SLC25A16: variants seen among roughly 807,000 people sequenced by gnomAD.
The protein encoded by SLC25A16 is mitochondrial coenzyme A transporter SLC25A16.
Under a neutral mutation model 41.5 loss-of-function variants are expected in SLC25A16, and 39 were observed. That is an observed-to-expected ratio of 0.94 (90% CI 0.73 to 1.23). The LOEUF is 1.23. SLC25A16 is among the 50% of genes most tolerant of loss of function. The probability of loss-of-function intolerance (pLI) is 0.00; values close to 1 mark genes in which losing one functional copy is unlikely to be tolerated. For missense variants in SLC25A16, 421 were observed against 426.9 expected (o/e 0.99, Z 0.12); for synonymous variants, 146 against 147.8 (o/e 0.99, Z 0.09).
intron 3 of SLC25A16, among the ~76,000 whole-genome samples, chr10:68,504,605 C>T (rs2052919588): frequency 6.7e-6 from 1 of 149,786 alleles, no homozygotes; most frequent in Non-Finnish European, 1.5e-5. Context: ...TCTCGATCTC[C>T]TGAACTTGTG....
intron 1 of SLC25A16, among the ~76,000 whole-genome samples, chr10:68,525,327 G>C (rs912368334): frequency 6.6e-6 from 1 of 151,936 alleles, no homozygotes; most frequent in Non-Finnish European, 1.5e-5. Context: ...GTAGAGACAG[G>C]GTTTCACCAT....
chr10:68,487,323 G>T, intron 7 of SLC25A16, 111 bp from the exon 8 acceptor site: 2 of 770,674 alleles, frequency 2.6e-6, no homozygotes, highest in Admixed American at 2.1e-5. Context: ...TGCTCTTATT[G>T]TTCTGTCTAA....
chr10:68,516,710 A>C, intron 2 of SLC25A16, 41 bp downstream of exon 2: 1 of 1,380,966 alleles, frequency 7.2e-7, no homozygotes, highest in Non-Finnish European at 1.0e-6. Flanking sequence ...ACTTTCCACA[A>C]TATTTTCATT....
chr10:68,524,039 G>GGCCAGGC (rs1434101133), intron 1 of SLC25A16, among the ~76,000 whole-genome samples: 2 of 102,048 alleles, frequency 2.0e-5, no homozygotes, highest in African/African-American at 8.6e-5. Flanking sequence ...ATCAAGACCA[G>GGCCAGGC]GTGGCTCACG....
chr10:68,493,615 T>C, intron 4 of SLC25A16, 45 bp from the exon 5 acceptor site: 1 of 1,430,458 alleles, frequency 7.0e-7, no homozygotes. Context: ...ATTTTTGATA[T>C]ATACATATAT....
intron 8 of SLC25A16, among the ~76,000 whole-genome samples, chr10:68,486,218 CA>C (rs1397261235): frequency 1.0e-4 from 5 of 49,910 alleles, no homozygotes; most frequent in African/African-American, 1.9e-4. Context: ...GACTTTGTCT[CA>C]AAAAAACAAA....
At chr10:68,489,605 T>C (rs2052622740) in intron 6 of SLC25A16, among the ~76,000 whole-genome samples, 1 of 151,886 alleles carries the variant, frequency 6.6e-6, no homozygotes, top group African/African-American at 2.4e-5. Flanking sequence ...CAAGATATTG[T>C]GATGTTTATT....
At chr10:68,503,718 TA>T in intron 3 of SLC25A16, 23 bp from the exon 4 acceptor site, 1 of 1,467,248 alleles carries the variant, frequency 6.8e-7, no homozygotes, top group Non-Finnish European at 9.5e-7. Context: ...AACACTGAAT[TA>T]AATGAGATAT....
rs1017013551 is a variant in SLC25A16 at position 68,527,431 on chromosome 10, G to C, written c.-56C>G. On this transcript the variant is annotated 5_prime_UTR_variant, in exon 1 of 9. Coordinates refer to ENST00000609923, the MANE Select transcript of SLC25A16 (RefSeq NM_152707.4). Reference sequence around the variant, plus strand: ...TGCCAACTTACAGAACACCGGACGGGACCATAGCCGGAACAGGCGGTGACA... The same window carrying C: ...TGCCAACTTACAGAACACCGGACGGCACCATAGCCGGAACAGGCGGTGACA... 3.6e-6 allele frequency: 5 copies of C among 1,406,686 alleles called. No individual in the cohort carries two copies. In the African/African-American group the frequency reaches 7.6e-5, roughly 21 times the overall value. The allele number at this position is 1,406,686 out of a possible 1,614,324, so 87.1% of individuals were successfully genotyped here.
At chr10:68,517,324 TAC>T (rs760156648) in intron 1 of SLC25A16, 31 of 838,026 alleles carry the variant, frequency 3.7e-5, no homozygotes, top group Non-Finnish European at 4.5e-5. Context: ...CATCCATTTA[TAC>T]ATTCAGCAAA....
chr10:68,491,995 T>A (rs1188468847), intron 6 of SLC25A16, among the ~76,000 whole-genome samples: 1 of 152,012 alleles, frequency 6.6e-6, no homozygotes, highest in African/African-American at 2.4e-5. Context: ...AGCCAGCTAA[T>A]TTTTGTATTT....
Position 68,479,456 on chromosome 10 carries a change from C to A in SLC25A16, c.*3976G>T, listed in dbSNP as rs568171063. 6.6e-6 allele frequency: 1 copy of A among 152,318 alleles called. No homozygotes were observed. Among genetic ancestry groups the A allele is most frequent in the South Asian group, 2.1e-4 (1 of 4,830 alleles). The allele number at this position is 152,318 out of a possible 1,614,324, so 9.4% of individuals were successfully genotyped here. On this transcript the variant is annotated 3_prime_UTR_variant, in exon 9 of 9. Coordinates refer to ENST00000609923, the MANE Select transcript of SLC25A16 (RefSeq NM_152707.4). ...CAAGGGAAGTCCTCCATAATGCTGA[C>A]ACAAGGTCTGGCACACAATTGGTGC...
intron 2 of SLC25A16, among the ~76,000 whole-genome samples, chr10:68,515,710 A>C (rs956912681): frequency 1.3e-5 from 2 of 152,156 alleles, no homozygotes; most frequent in African/African-American, 2.4e-5. Flanking sequence ...AGGCAGGAGA[A>C]TCGCTTGAAC....
chr10:68,501,968 C>T (rs1311116731), intron 4 of SLC25A16, among the ~76,000 whole-genome samples: 2 of 152,022 alleles, frequency 1.3e-5, no homozygotes, highest in South Asian at 2.1e-4. Context: ...GAGGCCAAGG[C>T]GGGTGGATAC....
At chr10:68,488,733 G>T in intron 6 of SLC25A16, 104 bp from the exon 7 acceptor site, 1 of 926,588 alleles carries the variant, frequency 1.1e-6, no homozygotes, top group Non-Finnish European at 1.6e-6. Context: ...TCTGGTGTTT[G>T]GCTTAATTTA....
intron 2 of SLC25A16, among the ~76,000 whole-genome samples, chr10:68,514,541 T>C (rs1257290822): frequency 6.6e-6 from 1 of 152,206 alleles, no homozygotes; most frequent in Non-Finnish European, 1.5e-5. Context: ...TATGTATCAT[T>C]GACCACATTT....
chr10:68,501,714 A>G (rs953222805), intron 4 of SLC25A16, among the ~76,000 whole-genome samples: 1 of 152,078 alleles, frequency 6.6e-6, no homozygotes, highest in African/African-American at 2.4e-5. Flanking sequence ...TGAATCCAGG[A>G]GTTTAAGCCA....
chr10:68,526,042 C>T (rs1367418257), intron 1 of SLC25A16, among the ~76,000 whole-genome samples: 2 of 151,896 alleles, frequency 1.3e-5, no homozygotes, highest in Non-Finnish European at 2.9e-5. Flanking sequence ...GAAATACGGC[C>T]TCGTGGGAAG....
At chr10:68,486,617 G>A (rs1426306775) in intron 8 of SLC25A16, among the ~76,000 whole-genome samples, 5 of 151,454 alleles carry the variant, frequency 3.3e-5, no homozygotes, top group African/African-American at 9.7e-5. Flanking sequence ...CAGGTGATAC[G>A]CCCTCCTCGG....
Sources: gnomAD v4.1 joint callset for allele counts (sites outside exome capture counted in the v4.1 genomes callset) on GRCh38, gnomAD v4.1.1 for gene constraint, MANE v1.5 for transcripts, NCBI Gene and HGNC (gene_info 2026-07-23, HGNC 2026-07-21) for gene names.